Variants in TMCC2 observed in about 807,000 individuals in gnomAD.
TMCC2 encodes transmembrane and coiled-coil domain family 2, also known as transmembrane and coiled-coil domains protein 2.
In TMCC2, 16 loss-of-function variants were observed where a neutral mutation model predicts 49.4. The ratio of observed to expected loss-of-function variants is 0.32; its 90% CI spans 0.22 to 0.49. The LOEUF (loss-of-function observed/expected upper bound fraction) is 0.49. Among genes scored for constraint, TMCC2 ranks in the 20% least tolerant of loss-of-function variants. TMCC2 has a pLI of 0.99. For synonymous variants in TMCC2, 397 were observed against 434.1 expected (o/e 0.91, Z 1.06); for missense variants, 762 against 989.8 (o/e 0.77, Z 3.09).
chr1:205,260,212 G>A (rs1661050366), intron 2 of TMCC2, among the ~76,000 whole-genome samples: 1 of 152,208 alleles, frequency 6.6e-6, no homozygotes, highest in South Asian at 2.1e-4. Context: ...GGAGGTCATG[G>A]TGTGGGGGCC....
At chr1:205,259,306 G>GA (rs1558653605) in intron 2 of TMCC2, among the ~76,000 whole-genome samples, 3 of 22,482 alleles carry the variant, frequency 1.3e-4, no homozygotes, top group African/African-American at 3.7e-4. Context: ...GGACCCTAAC[G>GA]GGTTCTTTGC....
In TMCC2 at chr1:205,235,189, C is replaced by G. The variant is rs115064645; in HGVS notation, c.208-6316C>G. ...TTGGAAGGCCCAGGATTGCCTCCCC[C>G]CCACCCCCTCCAGCCTAGGTAATAT... On this transcript the variant is annotated intron_variant, in intron 1 of 4. Transcript: ENST00000358024. Among the ~76,000 whole-genome samples, 1,240 of 152,136 alleles carry G rather than the reference C, an allele frequency of 8.2e-3. 12 individuals are homozygous for G. Among genetic ancestry groups the G allele is most frequent in the African/African-American group, 0.025 (1,036 of 41,488 alleles).
intron 3 of TMCC2, among the ~76,000 whole-genome samples, chr1:205,270,206 C>A (rs748694208): frequency 2.0e-5 from 3 of 152,128 alleles, no homozygotes; most frequent in Non-Finnish European, 4.4e-5. Context: ...ACCACTACAC[C>A]CCGCTAATTT....
At chr1:205,261,196 CTTTTT>C (rs34247734) in intron 2 of TMCC2, among the ~76,000 whole-genome samples, 14 of 95,224 alleles carry the variant, frequency 1.5e-4, no homozygotes, top group African/African-American at 5.0e-4. Flanking sequence ...CACTTATTTC[CTTTTT>C]TTTTTTTTTT....
chr1:205,270,374 G>C (rs747017814), intron 3 of TMCC2, among the ~76,000 whole-genome samples: 1 of 152,154 alleles, frequency 6.6e-6, no homozygotes, highest in Non-Finnish European at 1.5e-5. Context: ...TGGATGTATA[G>C]CTTCCAAAAC....
chr1:205,268,181 A>C, intron 2 of TMCC2: 1 of 567,048 alleles, frequency 1.8e-6, no homozygotes, highest in Non-Finnish European at 2.2e-6. Flanking sequence ...GTCAGCCCTG[A>C]GGGAGAGGCC....
At chr1:205,257,114 G>A (rs1203235958) in intron 2 of TMCC2, 17 of 1,217,032 alleles carry the variant, frequency 1.4e-5, no homozygotes, top group South Asian at 4.2e-5. Context: ...TCTCCTGCCA[G>A]ATGGGAAGGA....
At chr1:205,259,039 C>G (rs1421096377) in intron 2 of TMCC2, among the ~76,000 whole-genome samples, 1 of 152,206 alleles carries the variant, frequency 6.6e-6, no homozygotes, top group Admixed American at 6.5e-5. Context: ...GAGCCCAGAC[C>G]TTGCTCCCAG....
At chr1:205,261,140 T>C (rs1425704636) in intron 2 of TMCC2, among the ~76,000 whole-genome samples, 1 of 152,136 alleles carries the variant, frequency 6.6e-6, no homozygotes, top group African/African-American at 2.4e-5. Flanking sequence ...GTTTTATGTT[T>C]TAGGTATGTT....
intron 2 of TMCC2, among the ~76,000 whole-genome samples, chr1:205,255,381 C>T (rs539967453): frequency 1.3e-5 from 2 of 151,918 alleles, no homozygotes; most frequent in Non-Finnish European, 2.9e-5. Context: ...GGTGAAACCT[C>T]GTCTCTGTAC....
At chr1:205,266,610 TAAAA>T (rs61698539) in intron 2 of TMCC2, among the ~76,000 whole-genome samples, 1 of 131,608 alleles carries the variant, frequency 7.6e-6, no homozygotes, top group African/African-American at 2.8e-5. Flanking sequence ...AAAAAACAAA[TAAAA>T]AAAAAAAAAC....
At chr1:205,249,220 T>C (rs1263523200) in intron 2 of TMCC2, among the ~76,000 whole-genome samples, 1 of 152,108 alleles carries the variant, frequency 6.6e-6, no homozygotes, top group East Asian at 1.9e-4. Context: ...ACCAGTGGAG[T>C]TCAGCCCATC....
At chr1:205,255,125 C>A (rs1409668864) in intron 2 of TMCC2, among the ~76,000 whole-genome samples, 14 of 151,206 alleles carry the variant, frequency 9.3e-5, no homozygotes, top group Admixed American at 9.2e-4. Context: ...ATTGCTTGAG[C>A]CTGGGAGGTC....
At chr1:205,248,408 C>T (rs1574845368) in intron 2 of TMCC2, among the ~76,000 whole-genome samples, 1 of 152,284 alleles carries the variant, frequency 6.6e-6, no homozygotes, top group East Asian at 1.9e-4. Context: ...GACCCCATCT[C>T]CATTTTAAAA....
chr1:205,272,238 T>C lies in TMCC2; in HGVS notation c.*114T>C, dbSNP rs1661631317. 1 of 1,472,772 alleles carries C rather than the reference T, an allele frequency of 6.8e-7. No homozygotes were observed. The highest frequency in any genetic ancestry group is 2.3e-5 in the Admixed American group (1 of 43,610). 91.2% of individuals were successfully genotyped at this position (1,472,772 alleles called of 1,614,324 possible). On this transcript the variant is annotated 3_prime_UTR_variant, in exon 5 of 5. Coordinates refer to ENST00000358024, the MANE Select transcript of TMCC2 (RefSeq NM_014858.4). ...TTTGGCCTCCTGCCCAAACTGTCCATTCCAGCAGCTCCTGCCCCCTTCTCT... is the reference window on the plus strand; with the variant it reads ...TTTGGCCTCCTGCCCAAACTGTCCACTCCAGCAGCTCCTGCCCCCTTCTCT...
At chr1:205,249,748 T>G (rs1177196883) in intron 2 of TMCC2, among the ~76,000 whole-genome samples, 2 of 152,246 alleles carry the variant, frequency 1.3e-5, no homozygotes, top group Non-Finnish European at 2.9e-5. Context: ...TCTTCTGCCC[T>G]TCTTTCTTCC....
chr1:205,268,144 A>G, intron 2 of TMCC2: 2 of 905,676 alleles, frequency 2.2e-6, no homozygotes, highest in Non-Finnish European at 2.6e-6. Flanking sequence ...TGGCGAGGGC[A>G]GGCAGGCAGG....
At position 205,269,521 on chromosome 1, in the gene TMCC2, A is replaced by C; in HGVS notation, c.1319A>C (p.Asp440Ala). 6.2e-7 allele frequency: 1 copy of C among 1,612,852 alleles called. No individual in the cohort carries two copies. The highest frequency in any genetic ancestry group is 2.2e-5 in the East Asian group (1 of 44,844). Residue 440 changes from aspartate to alanine, a missense_variant, in exon 3 of 5, where the codon GAC becomes GCC. By Grantham distance (126) the Asp-to-Ala change is moderately radical. Transcript: ENST00000358024. Reference sequence around the variant, plus strand: ...ATCCGCAACAAGTTTGGCAGTGCTGACAACATCGCCCACCTGAAGGACCCC... The same window carrying C: ...ATCCGCAACAAGTTTGGCAGTGCTGCCAACATCGCCCACCTGAAGGACCCC... ...SLIRNKFGSADNIAHLKDPLE... is the reference protein window; with the variant it reads ...SLIRNKFGSAANIAHLKDPLE...
intron 1 of TMCC2, among the ~76,000 whole-genome samples, chr1:205,230,541 C>T (rs1044170237): frequency 1.2e-4 from 19 of 152,168 alleles, no homozygotes; most frequent in Non-Finnish European, 2.5e-4. Flanking sequence ...GGAGGCTAGC[C>T]TTCTGCTGCA....
Sources: gnomAD v4.1 joint callset for allele counts (sites outside exome capture counted in the v4.1 genomes callset) on GRCh38, gnomAD v4.1.1 for gene constraint, MANE v1.5 for transcripts, NCBI Gene and HGNC (gene_info 2026-07-23, HGNC 2026-07-21) for gene names.